The following GGCX variants were observed in gnomAD, a reference collection of about 807,000 sequenced individuals.
The protein encoded by GGCX is gamma-glutamyl carboxylase.
Under a neutral mutation model 88.5 loss-of-function variants are expected in GGCX, and 63 were observed. That is an observed-to-expected ratio of 0.71 (90% CI 0.58 to 0.88). GGCX has a LOEUF of 0.88. GGCX is among the 40% of genes least tolerant of loss of function. GGCX has a pLI of 0.00. For missense variants in GGCX, 805 were observed against 932.9 expected, an observed-to-expected ratio of 0.86 and a Z score of 1.79; for synonymous variants, 368 against 365.8, an observed-to-expected ratio of 1.01 and a Z score of -0.07.
rs1042511353 is a variant in GGCX, at chr2:85,548,532, C to T, written c.*1402G>A. The T allele has an allele frequency of 6.6e-5, 10 of 152,112 alleles. No individual in the cohort carries two copies. The highest frequency in any genetic ancestry group is 1.5e-4 in the Non-Finnish European group (10 of 68,038). The allele number at this position is 152,112 out of a possible 1,614,324, so 9.4% of individuals were successfully genotyped here. A position where few individuals can be genotyped will look rare whatever the true frequency, so the allele number is the denominator to read the frequency against. On this transcript the variant is annotated 3_prime_UTR_variant, in exon 15 of 15. Transcript: ENST00000233838. ...AGTATGTATACTGAAAAAGCAGTTG[C>T]TTAGGAAAGAACCCCCGGAACACTG...
At position 85,550,961 on chromosome 2, in the gene GGCX, G is replaced by C. The variant is rs1691919287; in HGVS notation, c.1852C>G (p.Leu618Val). Reference sequence around the variant, plus strand: ...TCCACCTTTTCCTTTAATTCTTGCAGATATGCCAGGTCTTGCTCCAGTGCA... The same window carrying C: ...TCCACCTTTTCCTTTAATTCTTGCACATATGCCAGGTCTTGCTCCAGTGCA... Reference protein sequence around the residue: ...ELALEQDLAYLQELKEKVENG... With the variant: ...ELALEQDLAYVQELKEKVENG... Residue 618 changes from leucine (L) to valine (V), a missense_variant, in exon 13 of 15, where the codon CTG becomes GTG. Around this residue, in one of 3 missense-constraint regions of GGCX, gnomAD observed 680 missense variants for 763.7 expected, o/e 0.89. Transcript: ENST00000233838. The C allele has an allele frequency of 2.5e-6, 4 of 1,614,050 alleles. No individual in the cohort carries two copies. The highest frequency in any genetic ancestry group is 3.4e-6 in the Non-Finnish European group (4 of 1,179,928).
Position 85,553,437 on chromosome 2 carries a change from C to T in GGCX, c.950G>A (p.Arg317Gln), listed in dbSNP as rs375332039. The T allele has an allele frequency of 9.2e-5, 148 of 1,613,830 alleles. No individual in the cohort carries two copies. Among genetic ancestry groups the T allele is most frequent in the Non-Finnish European group, 1.1e-4 (128 of 1,179,980 alleles). The change falls in exon 8 of 15, where the codon CGG (arginine) becomes CAG (glutamine). Residue 317 changes from arginine to glutamine, a missense_variant. By Grantham distance (43) the Arg-to-Gln change is conservative. Around this residue, in one of 3 missense-constraint regions of GGCX, gnomAD observed 680 missense variants for 763.7 expected, o/e 0.89. Coordinates refer to ENST00000233838, the MANE Select transcript of GGCX (RefSeq NM_000821.7). ...SPLFCSPEWPRKLVSYCPRRL... is the reference protein window; with the variant it reads ...SPLFCSPEWPQKLVSYCPRRL... ...TCGGGGGCAGTAGGACACCAGCTTCCGAGGCCACTCAGGGGAGCAGAAGAG... is the reference window on the plus strand; with the variant it reads ...TCGGGGGCAGTAGGACACCAGCTTCTGAGGCCACTCAGGGGAGCAGAAGAG...
Position 85,546,003 on chromosome 2 carries a change from T to C in GGCX, c.*3931A>G, listed in dbSNP as rs1013142583. 6.6e-6 allele frequency: 1 copy of C among 152,202 alleles called. No homozygotes were observed. The highest frequency in any genetic ancestry group is 1.5e-5 in the Non-Finnish European group (1 of 68,036). The allele number at this position is 152,202 out of a possible 1,614,324, so 9.4% of individuals were successfully genotyped here. ...CTCTTGAACCTAGGAGCTACATGCA[T>C]AGAGAATAGCCACTTGGATTACATT... On this transcript the variant is annotated 3_prime_UTR_variant, in exon 15 of 15. Coordinates refer to ENST00000233838, the MANE Select transcript of GGCX (RefSeq NM_000821.7).
At chr2:85,558,856 A>C in intron 3 of GGCX, 61 bp downstream of exon 3, 6 of 1,434,258 alleles carry the variant, frequency 4.2e-6, no homozygotes, top group Non-Finnish European at 4.9e-6. Context: ...ACCATTCACC[A>C]GCATGCTTCT....
At chr2:85,560,236 T>C (rs1440418289) in intron 2 of GGCX, among the ~76,000 whole-genome samples, 5 of 152,150 alleles carry the variant, frequency 3.3e-5, no homozygotes, top group African/African-American at 1.2e-4. Context: ...CTGAGTCTTC[T>C]GGGCAACTTC....
chr2:85,556,632 A>T (rs1197007344), intron 4 of GGCX, among the ~76,000 whole-genome samples: 2 of 142,420 alleles, frequency 1.4e-5, no homozygotes, highest in Non-Finnish European at 3.2e-5. Context: ...TATTATCTTT[A>T]AAAAAAAATG....
At chr2:85,551,694 C>T in intron 11 of GGCX, 84 bp from the exon 12 acceptor site, 1 of 1,573,404 alleles carries the variant, frequency 6.4e-7, no homozygotes, top group Non-Finnish European at 8.7e-7. Context: ...ACACCTTTAC[C>T]ACCATCATCC....
rs769805728 is a variant in GGCX at position 85,556,250 on chromosome 2, C to A, written c.550G>T (p.Gly184Cys). The A allele has an allele frequency of 1.2e-6, 2 of 1,606,590 alleles. No homozygotes were observed. Among genetic ancestry groups the A allele is most frequent in the African/African-American group, 1.3e-5 (1 of 74,110 alleles). ...TTCCTCCTATGGGCATTCAGCAGAC[C>A]GTCCACAGACCTACACCGAGGGAGG... ...MDANHYWSVD[G>C]LLNAHRRNAH... Residue 184 changes from glycine (G) to cysteine (C), a missense_variant, in exon 5 of 15, where the codon GGT becomes TGT. Physicochemically the swap from Gly to Cys is radical, Grantham distance 159 (BLOSUM62 -3). Around this residue, in one of 3 missense-constraint regions of GGCX, gnomAD observed 680 missense variants for 763.7 expected, o/e 0.89. Transcript: ENST00000233838.
rs150519950 is a variant in GGCX, at chr2:85,549,976, A to G, written c.2235T>C (p.Asn745=). Residue 745 remains asparagine (N), a synonymous_variant, in exon 15 of 15, where the codon AAT becomes AAC. Transcript: ENST00000233838. ...CAGGATCAGGATTTGACTCAGGAGG[A>G]TTAGAATGTGAAGAATCCGTGTTTG... ...NPSNTDSSHS[N]PPESNPDPVH... is the part of the protein sequence containing the mutation. The G allele has an allele frequency of 3.7e-6, 6 of 1,613,674 alleles. No homozygotes were observed. The highest frequency in any genetic ancestry group is 1.3e-5 in the African/African-American group (1 of 74,846).
rs545129027 is a variant in GGCX at position 85,548,621 on chromosome 2, A to C, written c.*1313T>G. ...TGCAAAGAGATGCAATCATTTACAG[A>C]AGTTACTGAGACTGCCAATTTACTA... On this transcript the variant is annotated 3_prime_UTR_variant, in exon 15 of 15. Coordinates refer to ENST00000233838, the MANE Select transcript of GGCX (RefSeq NM_000821.7). 6.6e-6 allele frequency: 1 copy of C among 152,308 alleles called. No individual in the cohort carries two copies. The highest frequency in any genetic ancestry group is 6.5e-5 in the Admixed American group (1 of 15,296). The allele number at this position is 152,308 out of a possible 1,614,324, so 9.4% of individuals were successfully genotyped here.
In GGCX at chr2:85,550,811, T is replaced by A. The variant is rs966083355; in HGVS notation, c.1889-61A>T. On this transcript the variant is annotated intron_variant, in intron 13 of 14. Transcript: ENST00000233838. ...ATGGATCACTCTCTCCCCTTAGAAC[T>A]CCTCTTCTGCCAGCTAGAGACTTCA... 52 of 1,584,030 alleles carry A rather than the reference T, an allele frequency of 3.3e-5. 1 individual carries two copies. The highest frequency in any genetic ancestry group is 4.4e-5 in the Non-Finnish European group (51 of 1,153,936).
chr2:85,558,911 C>T lies in GGCX; in HGVS notation c.373+6G>A. The stretch of plus-strand genomic sequence containing the variant: ...GCCAGTCAATATTTCCCACAGTTCC[C>T]CTCACCCAGAAACATGATGGTGTAG... On this transcript the variant is annotated splice_donor_region_variant and intron_variant, in intron 3 of 14. Coordinates refer to ENST00000233838, the MANE Select transcript of GGCX (RefSeq NM_000821.7). 6.2e-7 allele frequency: 1 copy of T among 1,612,992 alleles called. No homozygotes were observed. The highest frequency in any genetic ancestry group is 2.2e-5 in the East Asian group (1 of 44,870).
intron 4 of GGCX, among the ~76,000 whole-genome samples, chr2:85,556,695 T>C (rs1223251636): frequency 6.6e-6 from 1 of 152,178 alleles, no homozygotes; most frequent in Non-Finnish European, 1.5e-5. Context: ...TTCATAGACC[T>C]GGGTGCCAGG....
At position 85,550,763 on chromosome 2, in the gene GGCX, CAGAAAAA is replaced by C. The variant is rs1558805196; in HGVS notation, c.1889-20_1889-14del. 1 of 1,612,708 alleles carries C rather than the reference CAGAAAAA, an allele frequency of 6.2e-7. No homozygotes were observed. ...AGAGGCCCTGTTTCTGCCCGGAAGA[CAGAAAAA>C]AGAGGAATCACTGAGATGGATCACT... On this transcript the variant is annotated splice_polypyrimidine_tract_variant and intron_variant, in intron 13 of 14. Transcript: ENST00000233838.
chr2:85,554,530 A>C, intron 6 of GGCX: 1 of 583,962 alleles, frequency 1.7e-6, no homozygotes, highest in Admixed American at 2.5e-5. Flanking sequence ...CAATGGCATG[A>C]TCATGGTGCA....
intron 1 of GGCX, 110 bp downstream of exon 1, chr2:85,561,276 A>AGGCCCCCCCCCCCCCCCCCCCCG: frequency 1.8e-6 from 1 of 557,296 alleles, no homozygotes; most frequent in Non-Finnish European, 3.0e-6. Context: ...TTCCCCACAG[A>AGGCCCCCCCCCCCCCCCCCCCCG]GGACCCCCCC....
In GGCX at chr2:85,549,974, G is replaced by A. The variant is rs774601159; in HGVS notation, c.2237C>T (p.Pro746Leu). ...PSNTDSSHSN[P>L]PESNPDPVHS... is the part of the protein sequence containing the mutation. ...GACAGGATCAGGATTTGACTCAGGA[G>A]GATTAGAATGTGAAGAATCCGTGTT... The change falls in exon 15 of 15, where the codon CCT (proline) becomes CTT (leucine). Residue 746 changes from proline to leucine, a missense_variant. This residue lies in a region of GGCX where 680 missense variants were observed against 763.7 expected (regional missense o/e 0.89). Transcript: ENST00000233838. 2 of 1,613,630 alleles carry A rather than the reference G, an allele frequency of 1.2e-6. No individual in the cohort carries two copies. The highest frequency in any genetic ancestry group is 1.7e-6 in the Non-Finnish European group (2 of 1,179,758).
chr2:85,555,099 G>T lies in GGCX; in HGVS notation c.725+385C>A, dbSNP rs117757513. 8.5e-3 allele frequency: 1,693 copies of T among 199,936 alleles called. 51 individuals carry two copies. Among genetic ancestry groups the T allele is most frequent in the Admixed American group, 0.059 (1,115 of 19,026 alleles). 12.4% of individuals were successfully genotyped at this position (199,936 alleles called of 1,614,324 possible). On this transcript the variant is annotated intron_variant, in intron 6 of 14. Transcript: ENST00000233838. ...GATAATAATGGTTTTGTCAGAGCCT[G>T]AACAGTGAGTGCCCATCTTCTCAGT...
At position 85,553,342 on chromosome 2, in the gene GGCX, G is replaced by C. The variant is rs776023843; in HGVS notation, c.1045C>G (p.Arg349Gly). 9.3e-6 allele frequency: 15 copies of C among 1,614,174 alleles called. No individual in the cohort carries two copies. The South Asian group carries it at 1.5e-4, about 17-fold the overall frequency. Reference sequence around the variant, plus strand: ...CCTGGCTTCTGGCCACTTTTGCCCCGGCTCCTCTTATACACACAGGAAACA... The same window carrying C: ...CCTGGCTTCTGGCCACTTTTGCCCCCGCTCCTCTTATACACACAGGAAACA... The part of the protein sequence containing the change: ...PSVSCVYKRS[R>G]GKSGQKPGLR... The change falls in exon 8 of 15, where the codon CGG (arginine) becomes GGG (glycine). Residue 349 changes from arginine to glycine, a missense_variant. By Grantham distance (125) the Arg-to-Gly change is moderately radical. Around this residue, in one of 3 missense-constraint regions of GGCX, gnomAD observed 680 missense variants for 763.7 expected, o/e 0.89. Transcript: ENST00000233838.
Sources: gnomAD v4.1 joint callset for allele counts (sites outside exome capture counted in the v4.1 genomes callset) on GRCh38, gnomAD v4.1.1 for gene constraint, gnomAD v4.1.1 regional missense constraint, MANE v1.5 for transcripts, NCBI Gene and HGNC (gene_info 2026-07-23, HGNC 2026-07-21) for gene names.